PCNX4: variants seen among roughly 807,000 people sequenced by gnomAD.
The protein encoded by PCNX4 is pecanex-like protein 4.
In PCNX4, 103 loss-of-function variants were observed where a neutral mutation model predicts 107.2. The ratio of observed to expected loss-of-function variants is 0.96; its 90% confidence interval spans 0.82 to 1.13. The LOEUF (loss-of-function observed/expected upper bound fraction) is 1.13. Ranked by LOEUF, PCNX4 falls within the 50% of genes most tolerant of loss-of-function variation. The probability of loss-of-function intolerance (pLI) is 0.00; values close to 1 mark genes in which losing one functional copy is unlikely to be tolerated. For missense variants in PCNX4, 1,528 were observed against 1,379.4 expected (o/e 1.11, Z -1.71); for synonymous variants, 541 against 481.7 (o/e 1.12, Z -1.61).
chr14:60,094,510 A>G (rs1895381419), intron 1 of PCNX4, among the ~76,000 whole-genome samples: 1 of 152,154 alleles, frequency 6.6e-6, no homozygotes, highest in Non-Finnish European at 1.5e-5. Flanking sequence ...ACACAAGAAC[A>G]TCCTTATCAT....
rs1555392896 is a variant in PCNX4, at chr14:60,108,188, C to T, written c.550C>T (p.Leu184=). The T allele has an allele frequency of 1.2e-6, 2 of 1,612,810 alleles. No individual in the cohort carries two copies. Among genetic ancestry groups the T allele is most frequent in the Admixed American group, 3.3e-5 (2 of 60,032 alleles). Residue 184 remains leucine (L), a synonymous_variant, in exon 2 of 11, where the codon CTA becomes TTA. Coordinates refer to ENST00000406854, the MANE Select transcript of PCNX4 (RefSeq NM_001330177.2). ...ACTATTCTTCTTTGGATGGATGACA[C>T]TATGTATAGCAGAATATTCTTTAAT... ...ALLFFFGWMT[L]CIAEYSLIVN...
At position 60,103,395 on chromosome 14, in the gene PCNX4, T is replaced by C. The variant is rs75939760; in HGVS notation, c.-53-4191T>C. On this transcript the variant is annotated intron_variant, in intron 1 of 10. Coordinates refer to ENST00000406854, the MANE Select transcript of PCNX4 (RefSeq NM_001330177.2). Reference sequence around the variant, plus strand: ...GATCTCAAAGGCTTTAGTCTGCTGATATCCATTGTGACTCTTCAAGATGAC... The same window carrying C: ...GATCTCAAAGGCTTTAGTCTGCTGACATCCATTGTGACTCTTCAAGATGAC... Among the ~76,000 whole-genome samples, 1,198 of 152,360 alleles carry C rather than the reference T, an allele frequency of 7.9e-3. 11 individuals carry two copies. Among genetic ancestry groups the C allele is most frequent in the South Asian group, 0.036 (173 of 4,830 alleles).
chr14:60,123,753 A>G (rs1895996528), intron 8 of PCNX4, among the ~76,000 whole-genome samples: 1 of 152,282 alleles, frequency 6.6e-6, no homozygotes, highest in Non-Finnish European at 1.5e-5. Flanking sequence ...TAAATCTGGA[A>G]CAGGAGACTG....
chr14:60,144,091 GTTAA>G lies in PCNX4; in HGVS notation c.*9875_*9878del, dbSNP rs1399772025. On this transcript the variant is annotated 3_prime_UTR_variant, in exon 11 of 11. Coordinates refer to ENST00000406854, the MANE Select transcript of PCNX4 (RefSeq NM_001330177.2). ...CTTAGTGGGCTGTTATGAGGAATGA[GTTAA>G]TTAACTAATACTAAGCACTCCAGTA... 6.6e-6 allele frequency: 1 copy of G among 152,172 alleles called. No individual in the cohort carries two copies. Among genetic ancestry groups the G allele is most frequent in the African/African-American group, 2.4e-5 (1 of 41,424 alleles). 9.4% of individuals were successfully genotyped at this position (152,172 alleles called of 1,614,324 possible).
At position 60,137,297 on chromosome 14, in the gene PCNX4, G is replaced by C. The variant is rs576843973; in HGVS notation, c.*3076G>C. The stretch of plus-strand genomic sequence containing the variant: ...TGCTGAGTTAGAGGGACAAAAACTG[G>C]AGACCAAGACTCTCCAAGGAAGTAG... On this transcript the variant is annotated 3_prime_UTR_variant, in exon 11 of 11. Transcript: ENST00000406854. The C allele has an allele frequency of 1.3e-5, 2 of 152,182 alleles. No individual in the cohort carries two copies. The highest frequency in any genetic ancestry group is 4.8e-5 in the African/African-American group (2 of 41,424). The allele number at this position is 152,182 out of a possible 1,614,324, so 9.4% of individuals were successfully genotyped here. A position where few individuals can be genotyped will look rare whatever the true frequency, so the allele number is the denominator to read the frequency against.
At chr14:60,120,389 C>G (rs1895932363) in intron 7 of PCNX4, among the ~76,000 whole-genome samples, 1 of 152,110 alleles carries the variant, frequency 6.6e-6, no homozygotes, top group South Asian at 2.1e-4. Flanking sequence ...TCAGTATATA[C>G]TATATTGTTT....
rs754281307 is a variant in PCNX4 at position 60,125,626 on chromosome 14, AT to A, written c.3081-3del. 147 of 1,446,496 alleles carry A rather than the reference AT, an allele frequency of 1.0e-4. No homozygotes were observed. The highest frequency in any genetic ancestry group is 5.1e-4 in the South Asian group (34 of 66,840). The allele number at this position is 1,446,496 out of a possible 1,614,324, so 89.6% of individuals were successfully genotyped here. ...ATATTCTAAAATTCTTCGGTTCTCC[AT>A]TTTTTTTAGGTATACTCTGAAACTA... is the stretch of plus-strand genomic sequence containing the variant. On this transcript the variant is annotated splice_polypyrimidine_tract_variant and intron_variant, in intron 9 of 10. Transcript: ENST00000406854.
chr14:60,134,454 G>A lies in PCNX4; in HGVS notation c.*233G>A, dbSNP rs766238203. 1.7e-5 allele frequency: 8 copies of A among 457,308 alleles called. No individual in the cohort carries two copies. Among genetic ancestry groups the A allele is most frequent in the Non-Finnish European group, 2.7e-5 (7 of 261,564 alleles). The allele number at this position is 457,308 out of a possible 1,614,324, so 28.3% of individuals were successfully genotyped here. ...ATTTGGCCAATATTTGTGCCCTCTGGACTTTAGTAGGCTTTGGTAAATGTG... is the reference window on the plus strand; with the variant it reads ...ATTTGGCCAATATTTGTGCCCTCTGAACTTTAGTAGGCTTTGGTAAATGTG... On this transcript the variant is annotated 3_prime_UTR_variant, in exon 11 of 11. Transcript: ENST00000406854.
At position 60,128,987 on chromosome 14, in the gene PCNX4, C is replaced by T. The variant is rs181594082; in HGVS notation, c.3267+3164C>T. Among the ~76,000 whole-genome samples, 1,076 of 149,514 alleles carry T rather than the reference C, an allele frequency of 7.2e-3. 9 individuals carry two copies. Among genetic ancestry groups the T allele is most frequent in the African/African-American group, 0.025 (1,010 of 40,624 alleles). On this transcript the variant is annotated intron_variant, in intron 10 of 10. Coordinates refer to ENST00000406854, the MANE Select transcript of PCNX4 (RefSeq NM_001330177.2). ...CAGCACTTTGGGAGGCCGCGGCAGG[C>T]GGATCACCTGAAGTCAGGAGTTTGA...
At chr14:60,105,156 A>G (rs1415168480) in intron 1 of PCNX4, among the ~76,000 whole-genome samples, 1 of 152,208 alleles carries the variant, frequency 6.6e-6, no homozygotes, top group African/African-American at 2.4e-5. Context: ...TTGGATATTC[A>G]GATTTGTGAT....
Position 60,142,006 on chromosome 14 carries a change from A to G in PCNX4, c.*7785A>G, listed in dbSNP as rs77966557. 6.6e-6 allele frequency: 1 copy of G among 152,248 alleles called. No individual in the cohort carries two copies. Among genetic ancestry groups the G allele is most frequent in the Non-Finnish European group, 1.5e-5 (1 of 68,036 alleles). The allele number at this position is 152,248 out of a possible 1,614,324, so 9.4% of individuals were successfully genotyped here. On this transcript the variant is annotated 3_prime_UTR_variant, in exon 11 of 11. Coordinates refer to ENST00000406854, the MANE Select transcript of PCNX4 (RefSeq NM_001330177.2). This position sits in a 1 kb window ranked among gnomAD's most constrained non-coding sequence, Gnocchi z 4.7. ...ATTCCCGCCAGCAGTTTATGTGTACAAAATGTATAATTACATTTATGTAAA... is the reference window on the plus strand; with the variant it reads ...ATTCCCGCCAGCAGTTTATGTGTACGAAATGTATAATTACATTTATGTAAA...
chr14:60,143,952 C>G lies in PCNX4; in HGVS notation c.*9731C>G, dbSNP rs1036754300. 1.3e-5 allele frequency: 2 copies of G among 152,222 alleles called. No homozygotes were observed. The highest frequency in any genetic ancestry group is 2.4e-5 in the African/African-American group (1 of 41,452). The allele number at this position is 152,222 out of a possible 1,614,324, so 9.4% of individuals were successfully genotyped here. A position where few individuals can be genotyped will look rare whatever the true frequency, so the allele number is the denominator to read the frequency against. On this transcript the variant is annotated 3_prime_UTR_variant, in exon 11 of 11. Coordinates refer to ENST00000406854, the MANE Select transcript of PCNX4 (RefSeq NM_001330177.2). Reference sequence around the variant, plus strand: ...AGTAAGGAGTTGCCAGTGGAATCTTCCTGAGCTGAATCTAATCATGGCTTT... The same window carrying G: ...AGTAAGGAGTTGCCAGTGGAATCTTGCTGAGCTGAATCTAATCATGGCTTT...
chr14:60,119,705 A>C (rs556314043), intron 7 of PCNX4, among the ~76,000 whole-genome samples: 1 of 152,308 alleles, frequency 6.6e-6, no homozygotes, highest in East Asian at 1.9e-4. Flanking sequence ...CCCATCAGAA[A>C]TAGTAATTAG....
intron 10 of PCNX4, chr14:60,133,612 T>C (rs1896193431): frequency 4.3e-6 from 2 of 468,010 alleles, no homozygotes; most frequent in Non-Finnish European, 8.4e-6. Context: ...TCAACAAAGC[T>C]GTTTCTTTAA....
chr14:60,112,929 A>G (rs1048144686), intron 2 of PCNX4, among the ~76,000 whole-genome samples: 1 of 152,208 alleles, frequency 6.6e-6, no homozygotes, highest in African/African-American at 2.4e-5. Flanking sequence ...CACGCCTGTA[A>G]TCCCAGCACT....
rs145947942 is a variant in PCNX4 at position 60,138,883 on chromosome 14, T to C, written c.*4662T>C. On this transcript the variant is annotated 3_prime_UTR_variant, in exon 11 of 11. Transcript: ENST00000406854. ...ATAATGTTAAAATGTGACAATAATA[T>C]ACAAATTTGGTGCAGGAATTCTAAG... 13 of 152,146 alleles carry C rather than the reference T, an allele frequency of 8.5e-5. No homozygotes were observed. Among genetic ancestry groups the C allele is most frequent in the Non-Finnish European group, 1.5e-4 (10 of 67,962 alleles). The allele number at this position is 152,146 out of a possible 1,614,324, so 9.4% of individuals were successfully genotyped here.
intron 1 of PCNX4, among the ~76,000 whole-genome samples, chr14:60,107,115 G>T (rs1448094311): frequency 1.3e-5 from 2 of 152,158 alleles, no homozygotes; most frequent in Non-Finnish European, 2.9e-5. Context: ...GAGCACAGTG[G>T]CTCATGCCTG....
intron 2 of PCNX4, among the ~76,000 whole-genome samples, chr14:60,112,822 A>ATT (rs1895763644): frequency 1.3e-5 from 2 of 152,186 alleles, no homozygotes; most frequent in Non-Finnish European, 2.9e-5. Context: ...AATGAATTTT[A>ATT]TTTTAACAAA....
At chr14:60,106,137 C>T (rs1002558449) in intron 1 of PCNX4, among the ~76,000 whole-genome samples, 2 of 152,142 alleles carry the variant, frequency 1.3e-5, no homozygotes, top group Non-Finnish European at 2.9e-5. Context: ...CACTAAGGTT[C>T]GATTTGGCCC....
Sources: gnomAD v4.1 joint callset for allele counts (sites outside exome capture counted in the v4.1 genomes callset) on GRCh38, gnomAD v4.1.1 for gene constraint, Gnocchi (gnomAD v3.1) non-coding constraint, MANE v1.5 for transcripts, NCBI Gene and HGNC (gene_info 2026-07-23, HGNC 2026-07-21) for gene names.